The following HMBOX1 variants were observed in gnomAD, a reference collection of about 807,000 sequenced individuals.
HMBOX1 encodes the protein homeobox containing 1, also known as homeobox-containing protein 1.
In HMBOX1, 14 loss-of-function variants were observed where a neutral mutation model predicts 54.5. The observed-to-expected ratio is 0.26, with a 90% CI of 0.17 to 0.40. The LOEUF (loss-of-function observed/expected upper bound fraction) is 0.40, where lower values mean the gene tolerates loss of function less well. Ranked by LOEUF, HMBOX1 falls within the 10% of genes least tolerant of loss-of-function variation. The pLI is 1.00. For missense variants in HMBOX1, 332 were observed against 514.4 expected (o/e 0.65, Z 3.43); for synonymous variants, 160 against 181.0 (o/e 0.88, Z 0.93).
intron 1 of HMBOX1, among the ~76,000 whole-genome samples, chr8:28,920,812 G>A (rs1198585788): frequency 1.3e-5 from 2 of 152,178 alleles, no homozygotes; most frequent in African/African-American, 4.8e-5. Flanking sequence ...ATCAGTAGAT[G>A]AAATAATCAT....
At chr8:29,005,708 A>C (rs1833353356) in intron 4 of HMBOX1, among the ~76,000 whole-genome samples, 1 of 152,222 alleles carries the variant, frequency 6.6e-6, no homozygotes, top group South Asian at 2.1e-4. Flanking sequence ...AACTTTCCTC[A>C]TTCTAACTCC....
chr8:28,994,167 CAA>C (rs35952321), intron 4 of HMBOX1, among the ~76,000 whole-genome samples: 11 of 124,112 alleles, frequency 8.9e-5, no homozygotes, highest in Non-Finnish European at 4.9e-5. Context: ...ACTCTCTCAC[CAA>C]AAAAAAAAAA....
At chr8:28,977,212 G>A (rs1290523106) in intron 3 of HMBOX1, among the ~76,000 whole-genome samples, 1 of 152,026 alleles carries the variant, frequency 6.6e-6, no homozygotes, top group Admixed American at 6.6e-5. Context: ...ATGATTTAGT[G>A]TCCAGATGAA....
intron 4 of HMBOX1, among the ~76,000 whole-genome samples, chr8:28,986,204 G>A (rs12674777): frequency 0.62 from 93,986 of 151,936 alleles, 29,412 homozygotes; most frequent in East Asian, 0.75. Flanking sequence ...TCACATAGTC[G>A]TATACAGTTC....
chr8:29,048,683 T>C (rs549215729), intron 8 of HMBOX1: 11 of 341,954 alleles, frequency 3.2e-5, no homozygotes, highest in African/African-American at 2.3e-4. Flanking sequence ...AACCCCAAGA[T>C]AGGAAGACTG....
intron 6 of HMBOX1, among the ~76,000 whole-genome samples, chr8:29,043,543 C>A (rs1384405904): frequency 6.6e-6 from 1 of 152,228 alleles, no homozygotes; most frequent in African/African-American, 2.4e-5. Flanking sequence ...CCCACAGTGA[C>A]AAGCACATAT....
At chr8:28,950,521 G>A (rs1289212459) in intron 1 of HMBOX1, among the ~76,000 whole-genome samples, 1 of 152,222 alleles carries the variant, frequency 6.6e-6, no homozygotes, top group African/African-American at 2.4e-5. Flanking sequence ...GTAGTATATT[G>A]TAAACAGTGG....
At chr8:28,952,471 C>G (rs904622081) in intron 1 of HMBOX1, among the ~76,000 whole-genome samples, 1 of 152,084 alleles carries the variant, frequency 6.6e-6, no homozygotes, top group Non-Finnish European at 1.5e-5. Context: ...TGACCTCAAG[C>G]CATCCACCCG....
chr8:28,970,122 C>T lies in HMBOX1; in HGVS notation c.103C>T (p.Arg35Cys), dbSNP rs780120331. The T allele has an allele frequency of 3.1e-6, 5 of 1,613,970 alleles. No homozygotes were observed. Among genetic ancestry groups the T allele is most frequent in the Admixed American group, 3.3e-5 (2 of 60,012 alleles). Residue 35 changes from arginine to cysteine, a missense_variant, in exon 3 of 10, where the codon CGT becomes TGT. Physicochemically the swap from Arg to Cys is radical, Grantham distance 180. Around this residue, in one of 4 missense-constraint regions of HMBOX1, gnomAD observed 146 missense variants for 173.3 expected, o/e 0.84. Coordinates refer to ENST00000287701, the MANE Select transcript of HMBOX1 (RefSeq NM_001135726.3). The surrounding 1 kb of genome is among the most constrained non-coding windows in gnomAD (Gnocchi z 4.3). ...GATAGATCTGCTTCAGCGACTTCGG[C>T]GTACTGGAATGACTAAACATGAAAT... The part of the protein sequence containing the change: ...EQIDLLQRLR[R>C]TGMTKHEILH...
chr8:29,019,622 A>C (rs1287786131), intron 6 of HMBOX1, among the ~76,000 whole-genome samples: 2 of 152,112 alleles, frequency 1.3e-5, no homozygotes, highest in Non-Finnish European at 2.9e-5. Flanking sequence ...CCAGCTGTAC[A>C]TTTTTCTTAT....
At chr8:28,991,754 G>T (rs75278709) in intron 4 of HMBOX1, among the ~76,000 whole-genome samples, 1,729 of 152,164 alleles carry the variant, frequency 0.011, 32 homozygotes, top group African/African-American at 0.04. Flanking sequence ...AGTTTTTGTA[G>T]GACAGTCTTC....
intron 1 of HMBOX1, among the ~76,000 whole-genome samples, chr8:28,926,380 A>G (rs1375793904): frequency 1.3e-5 from 2 of 152,088 alleles, no homozygotes; most frequent in African/African-American, 2.4e-5. Context: ...GACTAGATGT[A>G]TTAAATATCT....
intron 3 of HMBOX1, among the ~76,000 whole-genome samples, chr8:28,971,836 C>A (rs535602889): frequency 8.5e-4 from 130 of 152,142 alleles, no homozygotes; most frequent in South Asian, 1.9e-3. Flanking sequence ...TAGATTTCCA[C>A]TACAGTAGAA....
intron 7 of HMBOX1, 21 bp from the exon 8 acceptor site, chr8:29,047,337 T>A: frequency 7.4e-7 from 1 of 1,344,562 alleles, no homozygotes; most frequent in Non-Finnish European, 1.1e-6. Context: ...ATTATCTGAA[T>A]TTTATTGCAT....
At position 28,918,595 on chromosome 8, in the gene HMBOX1, A is replaced by T. The variant is rs115595398; in HGVS notation, c.-58+27917A>T. ...TGGACATAGACTTGTTTATAGTATT[A>T]CTTGGTACTTTTAACCTCTATAGGG... is the stretch of plus-strand genomic sequence containing the variant. On this transcript the variant is annotated intron_variant, in intron 1 of 9. Coordinates refer to ENST00000287701, the MANE Select transcript of HMBOX1 (RefSeq NM_001135726.3). Among the ~76,000 whole-genome samples the T allele has an allele frequency of 2.4e-3, 361 of 152,312 alleles. 1 individual carries two copies. The highest frequency in any genetic ancestry group is 8.3e-3 in the African/African-American group (343 of 41,568).
At chr8:29,049,873 C>T (rs943883390) in intron 9 of HMBOX1, among the ~76,000 whole-genome samples, 2 of 152,228 alleles carry the variant, frequency 1.3e-5, no homozygotes, top group Non-Finnish European at 2.9e-5. Context: ...TCTTGCTCCT[C>T]AGCCAGCTCA....
chr8:28,957,381 G>C (rs536152141), intron 1 of HMBOX1, among the ~76,000 whole-genome samples: 1 of 152,276 alleles, frequency 6.6e-6, no homozygotes, highest in African/African-American at 2.4e-5. Flanking sequence ...ATAAAGATGA[G>C]AGCAGTAGAC....
chr8:28,978,644 G>A (rs1237294507), intron 3 of HMBOX1, among the ~76,000 whole-genome samples: 1 of 152,082 alleles, frequency 6.6e-6, no homozygotes, highest in Non-Finnish European at 1.5e-5. Context: ...AAAATTAGCC[G>A]GGTGTGGTGC....
At chr8:29,042,576 T>G in intron 6 of HMBOX1, 1 of 453,170 alleles carries the variant, frequency 2.2e-6, no homozygotes, top group Non-Finnish European at 4.4e-6. Flanking sequence ...GGGTTCCAGT[T>G]AAGGTTGAAA....
Sources: allele counts gnomAD v4.1 joint callset (sites outside exome capture counted in the v4.1 genomes callset), GRCh38; gene constraint gnomAD v4.1.1; regional missense constraint gnomAD v4.1.1; non-coding constraint Gnocchi (gnomAD v3.1); transcripts MANE v1.5; gene names NCBI Gene and HGNC (gene_info 2026-07-23, HGNC 2026-07-21).